MGAT1: variants seen among roughly 807,000 people sequenced by gnomAD.
MGAT1 encodes N-glycosyl-oligosaccharide-glycoprotein N-acetylglucosaminyltransferase I.
Under a neutral mutation model 31.7 loss-of-function variants are expected in MGAT1, and 14 were observed. That is an observed-to-expected ratio of 0.44 (90% CI 0.29 to 0.69). The LOEUF (loss-of-function observed/expected upper bound fraction) is 0.69. MGAT1 is among the 30% of genes least tolerant of loss of function. The probability of loss-of-function intolerance (pLI) is 0.12; values close to 1 mark genes in which losing one functional copy is unlikely to be tolerated. For synonymous variants in MGAT1, 338 were observed against 276.0 expected, an observed-to-expected ratio of 1.22 and a Z score of -2.23; for missense variants, 557 against 626.0, an observed-to-expected ratio of 0.89 and a Z score of 1.18.
intron 1 of MGAT1, among the ~76,000 whole-genome samples, chr5:180,799,018 TTGA>T: frequency 6.6e-6 from 1 of 152,348 alleles, no homozygotes; most frequent in South Asian, 2.1e-4. Context: ...GTCTGGACTC[TTGA>T]TGTAGTTTCC....
At chr5:180,809,394 C>T (rs1772288704) in intron 1 of MGAT1, 1 of 152,144 alleles carries the variant, frequency 6.6e-6, no homozygotes, top group African/African-American at 2.4e-5. Context: ...TAACCGGAGA[C>T]TCTTCTAAGA....
intron 1 of MGAT1, among the ~76,000 whole-genome samples, chr5:180,794,578 A>C (rs1355071953): frequency 6.6e-6 from 1 of 152,192 alleles, no homozygotes; most frequent in Non-Finnish European, 1.5e-5. Flanking sequence ...AAAATTCCCA[A>C]GGCAAAGATG....
At chr5:180,794,226 T>TTAA (rs1554129987) in intron 1 of MGAT1, among the ~76,000 whole-genome samples, 1 of 96,934 alleles carries the variant, frequency 1.0e-5, no homozygotes. Context: ...AAGTAACAAT[T>TTAA]AAAAAAAAAA....
chr5:180,812,031 C>T (rs1267969053), intron 1 of MGAT1, among the ~76,000 whole-genome samples: 3 of 152,224 alleles, frequency 2.0e-5, no homozygotes, highest in Non-Finnish European at 1.5e-5. Context: ...CCTTGGCCTG[C>T]TCCACTTTTC....
chr5:180,812,408 G>T (rs1377243207), intron 1 of MGAT1, among the ~76,000 whole-genome samples: 1 of 152,090 alleles, frequency 6.6e-6, no homozygotes, highest in Non-Finnish European at 1.5e-5. Context: ...TTTTACTTAA[G>T]TGACCTTCGA....
intron 1 of MGAT1, among the ~76,000 whole-genome samples, chr5:180,812,127 T>A (rs777951985): frequency 6.6e-6 from 1 of 152,206 alleles, no homozygotes; most frequent in Non-Finnish European, 1.5e-5. Flanking sequence ...GTTCCCTGAG[T>A]GGAGGCACAT....
chr5:180,811,767 G>A (rs1561885913), intron 1 of MGAT1, among the ~76,000 whole-genome samples: 2 of 151,430 alleles, frequency 1.3e-5, no homozygotes, highest in African/African-American at 2.4e-5. Flanking sequence ...GAAATAAAAC[G>A]CCAAAGTCCT....
At chr5:180,807,020 G>A (rs1771968845), upstream of MGAT1, among the ~76,000 whole-genome samples, 1 of 152,202 alleles carries the variant, frequency 6.6e-6, no homozygotes, top group African/African-American at 2.4e-5. Context: ...GTACAGCTCG[G>A]GAGCAGCAGC....
rs1352352445 is a variant in MGAT1, at chr5:180,785,602, A to G, written c.*6032T>C. The G allele has an allele frequency of 6.6e-6, 1 of 152,256 alleles. No individual in the cohort carries two copies. The highest frequency in any genetic ancestry group is 2.4e-5 in the African/African-American group (1 of 41,442). The allele number at this position is 152,256 out of a possible 1,614,324, so 9.4% of individuals were successfully genotyped here. ...CCCCAAGTGTGCCTGTTCTAGCAAG[A>G]ACCAGGAAGAGGCTGTCTCCCTGCC... is the stretch of plus-strand genomic sequence containing the variant. On this transcript the variant is annotated 3_prime_UTR_variant, in exon 2 of 2. Coordinates refer to ENST00000307826, the MANE Select transcript of MGAT1 (RefSeq NM_002406.4).
Position 180,786,520 on chromosome 5 carries a change from T to C in MGAT1, c.*5114A>G, listed in dbSNP as rs1454667389. On this transcript the variant is annotated 3_prime_UTR_variant, in exon 2 of 2. Coordinates refer to ENST00000307826, the MANE Select transcript of MGAT1 (RefSeq NM_002406.4). The stretch of plus-strand genomic sequence containing the variant: ...AGCTTCAGAAATACTTTTTCCAGCC[T>C]CTTTTGCTGACAGGGGTGCCTGTGT... 6.6e-6 allele frequency: 1 copy of C among 152,256 alleles called. No homozygotes were observed. Among genetic ancestry groups the C allele is most frequent in the East Asian group, 1.9e-4 (1 of 5,204 alleles). 9.4% of individuals were successfully genotyped at this position (152,256 alleles called of 1,614,324 possible). A position where few individuals can be genotyped will look rare whatever the true frequency, so the allele number is the denominator to read the frequency against.
intron 1 of MGAT1, chr5:180,810,857 G>C (rs898797942): frequency 3.3e-5 from 5 of 152,242 alleles, no homozygotes; most frequent in African/African-American, 9.7e-5. Context: ...TGCAGGGTGC[G>C]CCCGCGCTGC....
upstream of MGAT1, chr5:180,802,909 C>T (rs1387599436): frequency 6.7e-6 from 1 of 149,540 alleles, no homozygotes; most frequent in Non-Finnish European, 1.5e-5. Context: ...CCCGCCGCGC[C>T]CCGCCCCCCG....
intron 1 of MGAT1, among the ~76,000 whole-genome samples, chr5:180,802,296 C>T (rs1350083054): frequency 6.6e-6 from 1 of 152,184 alleles, no homozygotes; most frequent in African/African-American, 2.4e-5. Flanking sequence ...GGAGAATCAG[C>T]CTCTATTAAC....
intron 1 of MGAT1, among the ~76,000 whole-genome samples, chr5:180,797,429 A>AAACCCC (rs1491382896): frequency 1.1e-5 from 1 of 90,426 alleles, no homozygotes; most frequent in Non-Finnish European, 2.2e-5. Flanking sequence ...AAAAAAAAAA[A>AAACCCC]GGGGGGGGGG....
intron 1 of MGAT1, chr5:180,810,851 G>C (rs1772505861): frequency 6.6e-6 from 1 of 152,302 alleles, no homozygotes; most frequent in Non-Finnish European, 1.5e-5. Flanking sequence ...GGCCCTTGCA[G>C]GGTGCGCCCG....
chr5:180,792,152 C>T lies in MGAT1; in HGVS notation c.820G>A (p.Glu274Lys), dbSNP rs1433635301. 1.2e-6 allele frequency: 2 copies of T among 1,612,978 alleles called. No individual in the cohort carries two copies. The highest frequency in any genetic ancestry group is 1.7e-6 in the Non-Finnish European group (2 of 1,179,972). The change falls in exon 2 of 2, where the codon GAG becomes AAG. Residue 274 changes from glutamate to lysine, a missense_variant. Glu to Lys is a moderately conservative substitution (Grantham distance 56). Around this residue, in one of 3 missense-constraint regions of MGAT1, gnomAD observed 245 missense variants for 332.9 expected, o/e 0.74. Coordinates refer to ENST00000307826, the MANE Select transcript of MGAT1 (RefSeq NM_002406.4). ...FPGLGWLLLA[E>K]LWAELEPKWP... Reference sequence around the variant, plus strand: ...TTGGGCTCCAGCTCAGCCCAGAGCTCGGCCAACAGCAGCCAGCCCAGGCCA... The same window carrying T: ...TTGGGCTCCAGCTCAGCCCAGAGCTTGGCCAACAGCAGCCAGCCCAGGCCA...
chr5:180,791,876 G>C lies in MGAT1; in HGVS notation c.1096C>G (p.Pro366Ala). ...RDFLARVYGA[P>A]QLQVEKVRTN... ...CTCACTTTCTCCACCTGCAGCTGGGGAGCACCGTAGACGCGGGCGAGGAAA... is the reference window on the plus strand; with the variant it reads ...CTCACTTTCTCCACCTGCAGCTGGGCAGCACCGTAGACGCGGGCGAGGAAA... Residue 366 changes from proline to alanine, a missense_variant, in exon 2 of 2, where the codon CCC becomes GCC. Pro to Ala is a conservative substitution (Grantham distance 27, BLOSUM62 -1). This residue lies in a region of MGAT1 where 145 missense variants were observed against 143.2 expected (regional missense o/e 1.01). Coordinates refer to ENST00000307826, the MANE Select transcript of MGAT1 (RefSeq NM_002406.4). The C allele has an allele frequency of 1.9e-6, 3 of 1,614,216 alleles. No individual in the cohort carries two copies. Among genetic ancestry groups the C allele is most frequent in the Non-Finnish European group, 1.7e-6 (2 of 1,180,048 alleles).
rs138800304 is a variant in MGAT1, at chr5:180,807,997, A to G, written c.-127+651T>C. ...TCATTTGCTCCTCGTAACAACTTGTAAGGGACCTGGAAAGTCAGTTTTCCC... is the reference window on the plus strand; with the variant it reads ...TCATTTGCTCCTCGTAACAACTTGTGAGGGACCTGGAAAGTCAGTTTTCCC... On this transcript the variant is annotated intron_variant, in intron 2 of 2. Coordinates refer to the MGAT1 transcript ENST00000333055. Among the ~76,000 whole-genome samples the G allele has an allele frequency of 1.8e-4, 28 of 152,318 alleles. No homozygotes were observed. In the East Asian group the frequency reaches 5.2e-3, roughly 28 times the overall value.
In MGAT1 at chr5:180,792,039, C is replaced by A. The variant is rs368127999; in HGVS notation, c.933G>T (p.Thr311=). Residue 311 remains threonine (T), a synonymous_variant, in exon 2 of 2, where the codon ACG becomes ACT. Coordinates refer to ENST00000307826, the MANE Select transcript of MGAT1 (RefSeq NM_002406.4). The part of the protein sequence containing the change: ...RACIRPEISR[T]MTFGRKGVSH... ...TCACACCCTTGCGGCCAAAGGTCAT[C>A]GTTCTTGAGATCTCAGGGCGTATGC... is the stretch of plus-strand genomic sequence containing the variant. 14 of 1,613,874 alleles carry A rather than the reference C, an allele frequency of 8.7e-6. No homozygotes were observed. The highest frequency in any genetic ancestry group is 1.2e-5 in the Non-Finnish European group (14 of 1,180,042).
Sources: gnomAD v4.1 joint callset for allele counts (sites outside exome capture counted in the v4.1 genomes callset) on GRCh38, gnomAD v4.1.1 for gene constraint, gnomAD v4.1.1 regional missense constraint, MANE v1.5 for transcripts, NCBI Gene and HGNC (gene_info 2026-07-23, HGNC 2026-07-21) for gene names.